Variants in CMTR1 observed in about 807,000 individuals in gnomAD.
The protein encoded by CMTR1 is cap-specific mRNA (nucleoside-2'-O-)-methyltransferase 1.
CMTR1 carries 39 observed loss-of-function variants against 107.0 expected under a neutral mutation model. The ratio of observed to expected loss-of-function variants is 0.36; its 90% CI spans 0.28 to 0.48. The LOEUF (loss-of-function observed/expected upper bound fraction) is 0.48. Among genes scored for constraint, CMTR1 ranks in the 20% least tolerant of loss-of-function variants. The probability of loss-of-function intolerance (pLI) is 0.99; values close to 1 mark genes in which losing one functional copy is unlikely to be tolerated. For missense variants in CMTR1, 672 were observed against 1,064.9 expected (o/e 0.63, Z 5.14); for synonymous variants, 366 against 379.5 (o/e 0.96, Z 0.41).
Position 37,458,686 on chromosome 6 carries a change from A to C in CMTR1, c.852A>C (p.Ser284=). 1 of 1,614,072 alleles carries C rather than the reference A, an allele frequency of 6.2e-7. No individual in the cohort carries two copies. The highest frequency in any genetic ancestry group is 8.5e-7 in the Non-Finnish European group (1 of 1,180,028). The change falls in exon 9 of 24, where the codon TCA becomes TCC. Residue 284 remains serine (S), a synonymous_variant. Transcript: ENST00000373451. The surrounding 1 kb of genome is among the most constrained non-coding windows in gnomAD (Gnocchi z 4.7). Reference sequence around the variant, plus strand: ...TCTGCGCAGGCCCAGGTGGCTTCTCAGAGTATGTGCTGTGGAGGAAGAAGT... The same window carrying C: ...TCTGCGCAGGCCCAGGTGGCTTCTCCGAGTATGTGCTGTGGAGGAAGAAGT... ...ADVCAGPGGF[S]EYVLWRKKWH... is the part of the protein sequence containing the mutation.
chr6:37,463,726 C>A (rs554714873), intron 13 of CMTR1, among the ~76,000 whole-genome samples: 75 of 152,100 alleles, frequency 4.9e-4, no homozygotes, highest in Non-Finnish European at 7.4e-4. Context: ...TAGAGGTGGC[C>A]CTGGAGAATC....
chr6:37,472,056 T>C lies in CMTR1; in HGVS notation c.1620+152T>C. On this transcript the variant is annotated intron_variant, in intron 15 of 23. Coordinates refer to ENST00000373451, the MANE Select transcript of CMTR1 (RefSeq NM_015050.3). This position sits in a 1 kb window ranked among gnomAD's most constrained non-coding sequence, Gnocchi z 4.1. ...CCCAGAGGTTGACATCTCGGCATTG[T>C]TGGTAGTTACGTCCTTGGCCCTTTC... 6 of 740,236 alleles carry C rather than the reference T, an allele frequency of 8.1e-6. No individual in the cohort carries two copies. The highest frequency in any genetic ancestry group is 3.6e-5 in the South Asian group (2 of 55,434). The allele number at this position is 740,236 out of a possible 1,614,324, so 45.9% of individuals were successfully genotyped here.
In CMTR1 at chr6:37,435,701, C is replaced by T; in HGVS notation, c.72C>T (p.Ala24=). 1 of 1,603,726 alleles carries T rather than the reference C, an allele frequency of 6.2e-7. No homozygotes were observed. Among genetic ancestry groups the T allele is most frequent in the Non-Finnish European group, 8.5e-7 (1 of 1,176,136 alleles). ...KKQKKRVAEL[A]LSLSSTSDDE... is the part of the protein sequence containing the mutation. ...AGAAAAAAAGAGTTGCAGAGCTTGCCCTGAGCCTCAGCTCCACGTCCGATG... is the reference window on the plus strand; with the variant it reads ...AGAAAAAAAGAGTTGCAGAGCTTGCTCTGAGCCTCAGCTCCACGTCCGATG... Residue 24 remains alanine, a synonymous_variant, in exon 2 of 24, where the codon GCC becomes GCT. Transcript: ENST00000373451.
intron 8 of CMTR1, among the ~76,000 whole-genome samples, chr6:37,457,072 T>C (rs1581739855): frequency 6.6e-6 from 1 of 151,152 alleles, no homozygotes; most frequent in Non-Finnish European, 1.5e-5. Context: ...AAAAAAAAAT[T>C]TGTTGAGCGT....
At position 37,462,043 on chromosome 6, in the gene CMTR1, C is replaced by T; in HGVS notation, c.1266C>T (p.Cys422=). 6.2e-7 allele frequency: 1 copy of T among 1,613,992 alleles called. No homozygotes were observed. The highest frequency in any genetic ancestry group is 8.5e-7 in the Non-Finnish European group (1 of 1,180,016). The change falls in exon 12 of 24, where the codon TGC becomes TGT. Residue 422 remains cysteine (C), a synonymous_variant. Transcript: ENST00000373451. ...FSVGLVYLLY[C]CFERVCLFKP... ...TGGGGCTTGTCTACCTGCTGTACTGCTGCTTTGAACGAGTTTGTCTCTTCA... is the reference window on the plus strand; with the variant it reads ...TGGGGCTTGTCTACCTGCTGTACTGTTGCTTTGAACGAGTTTGTCTCTTCA...
intron 2 of CMTR1, among the ~76,000 whole-genome samples, chr6:37,438,505 A>G (rs961275604): frequency 6.6e-6 from 1 of 152,232 alleles, no homozygotes; most frequent in African/African-American, 2.4e-5. Flanking sequence ...CAACATTTCT[A>G]GATTTCCCTA....
intron 2 of CMTR1, chr6:37,436,477 A>G (rs535487382): frequency 6.6e-6 from 1 of 152,284 alleles, no homozygotes; most frequent in African/African-American, 2.4e-5. Context: ...AACAACAGAC[A>G]TTTATTCTCT....
intron 18 of CMTR1, 45 bp downstream of exon 18, chr6:37,474,691 C>CT (rs1469283500): frequency 6.2e-6 from 10 of 1,605,380 alleles, no homozygotes; most frequent in Non-Finnish European, 7.7e-6. Flanking sequence ...AGCTAGGGGA[C>CT]TAGGGGGCTG....
rs146426602 is a variant in CMTR1 at position 37,452,721 on chromosome 6, T to A, written c.610-326T>A. Among the ~76,000 whole-genome samples the A allele has an allele frequency of 6.6e-5, 10 of 152,140 alleles. No individual in the cohort carries two copies. In the East Asian group the frequency reaches 1.9e-3, roughly 29 times the overall value. ...ACCAGAACTTTGATCCCTTGGAGAG[T>A]AGCTGCTGGTATGGGATGGAGAAAC... On this transcript the variant is annotated intron_variant, in intron 6 of 23. Coordinates refer to ENST00000373451, the MANE Select transcript of CMTR1 (RefSeq NM_015050.3).
At chr6:37,428,008 CAGAGAGAGAG>C in the CMTR1 span, among the ~76,000 whole-genome samples, 3,867 of 114,818 alleles carry the variant, frequency 0.034, 46 homozygotes, top group Admixed American at 0.037. Flanking sequence ...GCAACAGAGA[CAGAGAGAGAG>C]AGAGAGAGAG....
intron 23 of CMTR1, among the ~76,000 whole-genome samples, chr6:37,479,784 GT>G (rs2113899052): frequency 6.6e-6 from 1 of 152,366 alleles, no homozygotes; most frequent in Non-Finnish European, 1.5e-5. Context: ...AGGAATATCA[GT>G]CACTGTAGGA....
intron 8 of CMTR1, among the ~76,000 whole-genome samples, chr6:37,456,149 A>G (rs552416266): frequency 6.6e-6 from 1 of 152,336 alleles, no homozygotes; most frequent in African/African-American, 2.4e-5. Flanking sequence ...GTTCACTTAG[A>G]GGGCACGGCC....
intron 22 of CMTR1, 131 bp from the exon 23 acceptor site, chr6:37,479,016 C>T: frequency 1.6e-6 from 1 of 636,780 alleles, no homozygotes; most frequent in Non-Finnish European, 2.8e-6. Flanking sequence ...GCTGCTGCCT[C>T]ACGGGCTATT....
In CMTR1 at chr6:37,473,505, A is replaced by C; in HGVS notation, c.1725A>C (p.Thr575=). 1.2e-6 allele frequency: 2 copies of C among 1,614,024 alleles called. No homozygotes were observed. The highest frequency in any genetic ancestry group is 1.7e-6 in the Non-Finnish European group (2 of 1,179,998). The change falls in exon 17 of 24, where the codon ACA becomes ACC. Residue 575 remains threonine, a synonymous_variant. Coordinates refer to ENST00000373451, the MANE Select transcript of CMTR1 (RefSeq NM_015050.3). ...TEIDIFSYKP[T]LLTSKTLEKI... ...TTGACATCTTCAGCTACAAGCCCAC[A>C]CTGCTCACCTCTAAAACCCTGGAGA...
chr6:37,465,272 A>T (rs1292153095), intron 13 of CMTR1, among the ~76,000 whole-genome samples: 4 of 151,930 alleles, frequency 2.6e-5, no homozygotes, highest in Non-Finnish European at 2.9e-5. Flanking sequence ...TCTCAAAAAA[A>T]AAAAAAGTAT....
Position 37,462,078 on chromosome 6 carries a change from C to T in CMTR1, c.1301C>T (p.Thr434Ile), listed in dbSNP as rs1183480803. Residue 434 changes from threonine to isoleucine, a missense_variant, in exon 12 of 24, where the codon ACC becomes ATC. Coordinates refer to ENST00000373451, the MANE Select transcript of CMTR1 (RefSeq NM_015050.3). ...FERVCLFKPITSRPANSERYV... is the reference protein window; with the variant it reads ...FERVCLFKPIISRPANSERYV... ...CGAGTTTGTCTCTTCAAGCCTATTACCAGCCGTCCTGCCAACTCAGAGAGG... is the reference window on the plus strand; with the variant it reads ...CGAGTTTGTCTCTTCAAGCCTATTATCAGCCGTCCTGCCAACTCAGAGAGG... The T allele has an allele frequency of 3.1e-6, 5 of 1,614,044 alleles. No individual in the cohort carries two copies. The highest frequency in any genetic ancestry group is 4.2e-6 in the Non-Finnish European group (5 of 1,180,020).
the CMTR1 span, among the ~76,000 whole-genome samples, chr6:37,424,242 T>A: frequency 4.8e-5 from 5 of 104,718 alleles, no homozygotes; most frequent in East Asian, 2.3e-4. Flanking sequence ...AGTACCTTTT[T>A]CTTTCTTTTT....
the CMTR1 span, among the ~76,000 whole-genome samples, chr6:37,425,009 C>T: frequency 1.0e-3 from 142 of 135,838 alleles, 1 homozygote; most frequent in Admixed American, 9.3e-3. Context: ...AGTGCAGTGG[C>T]GCAATCTCAG....
At position 37,479,300 on chromosome 6, in the gene CMTR1, T is replaced by G; in HGVS notation, c.2375+45T>G. On this transcript the variant is annotated intron_variant, in intron 23 of 23. Transcript: ENST00000373451. The stretch of plus-strand genomic sequence containing the variant: ...GCCTGCCCTCCTTAGCAGCCTCAAG[T>G]ACTCCTGCAGGATGCCAGCCAGCTG... The G allele has an allele frequency of 6.2e-6, 8 of 1,292,624 alleles. No individual in the cohort carries two copies. The South Asian group carries it at 7.1e-5, about 11-fold the overall frequency. The allele number at this position is 1,292,624 out of a possible 1,614,324, so 80.1% of individuals were successfully genotyped here. A position where few individuals can be genotyped will look rare whatever the true frequency, so the allele number is the denominator to read the frequency against.
Sources: gnomAD v4.1 joint callset for allele counts (sites outside exome capture counted in the v4.1 genomes callset) on GRCh38, gnomAD v4.1.1 for gene constraint, Gnocchi (gnomAD v3.1) non-coding constraint, MANE v1.5 for transcripts, NCBI Gene and HGNC (gene_info 2026-07-23, HGNC 2026-07-21) for gene names.